Variants in CRYBG1 observed in about 807,000 individuals in gnomAD.
CRYBG1 encodes beta/gamma crystallin domain-containing protein 1.
CRYBG1 carries 139 observed loss-of-function variants against 189.2 expected under a neutral mutation model. The ratio of observed to expected loss-of-function variants is 0.73; its 90% CI spans 0.64 to 0.85. The LOEUF (loss-of-function observed/expected upper bound fraction) is 0.85. Ranked by LOEUF, CRYBG1 falls within the 40% of genes least tolerant of loss-of-function variation. CRYBG1 has a pLI of 0.00. For synonymous variants in CRYBG1, 1,023 were observed against 1,017.1 expected, an observed-to-expected ratio of 1.01 and a Z score of -0.11; for missense variants, 2,611 against 2,675.8, an observed-to-expected ratio of 0.98 and a Z score of 0.53.
chr6:106,444,365 T>A (rs1235615376), intron 1 of CRYBG1, among the ~76,000 whole-genome samples: 1 of 152,210 alleles, frequency 6.6e-6, no homozygotes, highest in African/African-American at 2.4e-5. Flanking sequence ...AATCAGAGCA[T>A]GTGCAATCAC....
chr6:106,527,435 C>T lies in CRYBG1; in HGVS notation c.4543C>T (p.Pro1515Ser), dbSNP rs1350900453. The part of the protein sequence containing the change: ...ERHEEAESDK[P>S]VVIGSIRHVV... ...GCACGAAGAAGCAGAGTCTGATAAG[C>T]CAGTGGTGATTGGTTCCATCAGACA... Residue 1515 changes from proline (P) to serine (S), a missense_variant, in exon 7 of 22, where the codon CCA becomes TCA. This residue lies in a region of CRYBG1 where 1,622 missense variants were observed against 1,735.0 expected (regional missense o/e 0.93). Transcript: ENST00000633556. 2 of 1,612,574 alleles carry T rather than the reference C, an allele frequency of 1.2e-6. No individual in the cohort carries two copies. Among genetic ancestry groups the T allele is most frequent in the South Asian group, 1.1e-5 (1 of 90,966 alleles).
chr6:106,477,013 A>G (rs927011), intron 2 of CRYBG1, among the ~76,000 whole-genome samples: 11,271 of 152,208 alleles, frequency 0.074, 660 homozygotes, highest in African/African-American at 0.15. Context: ...ACCACCTACC[A>G]TAAGTATTTG....
In CRYBG1 at chr6:106,361,043, C is replaced by A; in HGVS notation, c.135C>A (p.Phe45Leu). The change falls in exon 1 of 22, where the codon TTC (phenylalanine) becomes TTA (leucine). Residue 45 changes from phenylalanine to leucine, a missense_variant. Transcript: ENST00000633556. ...CGGCGCCGCCTGACTGTGGGGTGTT[C>A]GTTCCGCACCCGCTCCCGGCGCCTG... ...QQPAPPDCGV[F>L]VPHPLPAPAG... The A allele has an allele frequency of 6.5e-7, 1 of 1,535,000 alleles. No homozygotes were observed. The highest frequency in any genetic ancestry group is 8.7e-7 in the Non-Finnish European group (1 of 1,146,546).
Position 106,571,981 on chromosome 6 carries a change from A to G in CRYBG1, c.*3415A>G. 1 of 1,594,036 alleles carries G rather than the reference A, an allele frequency of 6.3e-7. No individual in the cohort carries two copies. The highest frequency in any genetic ancestry group is 8.6e-7 in the Non-Finnish European group (1 of 1,162,428). On this transcript the variant is annotated 3_prime_UTR_variant, in exon 22 of 22. Coordinates refer to ENST00000633556, the MANE Select transcript of CRYBG1 (RefSeq NM_001371242.2). ...CCAAATAAGAACGTCAACAATCACT[A>G]AACTGCATTTTTATTTAAACAACAT...
intron 1 of CRYBG1, among the ~76,000 whole-genome samples, chr6:106,441,785 G>A (rs992916190): frequency 6.6e-6 from 1 of 152,114 alleles, no homozygotes; most frequent in African/African-American, 2.4e-5. Context: ...CAACTAGCAG[G>A]TGCTTGGAAA....
At chr6:106,367,145 T>C (rs1772015866) in intron 1 of CRYBG1, among the ~76,000 whole-genome samples, 1 of 152,230 alleles carries the variant, frequency 6.6e-6, no homozygotes. Context: ...ATCTCTGTCA[T>C]TGAATTACTT....
At position 106,553,559 on chromosome 6, in the gene CRYBG1, A is replaced by G. The variant is rs1774458398; in HGVS notation, c.5577A>G (p.Ser1859=). 1 of 1,609,248 alleles carries G rather than the reference A, an allele frequency of 6.2e-7. No individual in the cohort carries two copies. Among genetic ancestry groups the G allele is most frequent in the Middle Eastern group, 1.7e-4 (1 of 6,056 alleles). ...DSFSTKSCRV[S]GGSWVVYDGE... is the part of the protein sequence containing the mutation. ...TTTCTACCAAGTCTTGCAGAGTTTC[A>G]GGAGGCAGGTAAGTGAAACAAAGGC... The change falls in exon 16 of 22, where the codon TCA becomes TCG. Residue 1859 remains serine, a synonymous_variant. Coordinates refer to ENST00000633556, the MANE Select transcript of CRYBG1 (RefSeq NM_001371242.2).
rs567862694 is a variant in CRYBG1 at position 106,510,369 on chromosome 6, C to T, written c.313-1061C>T. 3.9e-5 allele frequency among the ~76,000 whole-genome samples: 6 copies of T among 152,370 alleles called. No individual in the cohort carries two copies. The East Asian group carries it at 1.2e-3, about 29-fold the overall frequency. On this transcript the variant is annotated intron_variant, in intron 2 of 21. Coordinates refer to ENST00000633556, the MANE Select transcript of CRYBG1 (RefSeq NM_001371242.2). ...ACTCTGGCAAACCCCGGAGCGCCAC[C>T]GCGCCCATTGGCGGGTTTGCTTTTA...
intron 1 of CRYBG1, among the ~76,000 whole-genome samples, chr6:106,382,514 T>C (rs529787914): frequency 3.3e-4 from 50 of 152,200 alleles, no homozygotes; most frequent in Non-Finnish European, 6.5e-4. Flanking sequence ...TCCCTATTGC[T>C]TTCTAGGTAA....
intron 1 of CRYBG1, among the ~76,000 whole-genome samples, chr6:106,435,332 T>C (rs1211524895): frequency 1.3e-5 from 2 of 152,066 alleles, no homozygotes; most frequent in African/African-American, 4.8e-5. Flanking sequence ...ACCTGACTAA[T>C]GTTTTAAATT....
chr6:106,435,942 T>C (rs1043186003), intron 1 of CRYBG1, among the ~76,000 whole-genome samples: 4 of 152,102 alleles, frequency 2.6e-5, no homozygotes, highest in Admixed American at 6.5e-5. Flanking sequence ...AAGATCTAGA[T>C]TGGGAATTAT....
At chr6:106,464,434 A>G (rs952359110) in intron 2 of CRYBG1, among the ~76,000 whole-genome samples, 2 of 151,228 alleles carry the variant, frequency 1.3e-5, no homozygotes, top group Non-Finnish European at 2.9e-5. Context: ...CAGAGGTTGC[A>G]GTGAGCCAAG....
chr6:106,511,550 A>C lies in CRYBG1; in HGVS notation c.433A>C (p.Asn145His), dbSNP rs1468112791. ...RNGLESPTRS[N>H]AKPLSPKDVV... is the part of the protein sequence containing the mutation. The stretch of plus-strand genomic sequence containing the variant: ...CGGGTTAGAGAGTCCCACCAGATCA[A>C]ATGCCAAACCACTCTCTCCCAAAGA... The change falls in exon 3 of 22, where the codon AAT becomes CAT. Residue 145 changes from asparagine (N) to histidine (H), a missense_variant. Physicochemically the swap from Asn to His is moderately conservative, Grantham distance 68 (BLOSUM62 1). Around this residue, in one of 3 missense-constraint regions of CRYBG1, gnomAD observed 985 missense variants for 924.4 expected, o/e 1.07. Coordinates refer to ENST00000633556, the MANE Select transcript of CRYBG1 (RefSeq NM_001371242.2). 5 of 1,535,686 alleles carry C rather than the reference A, an allele frequency of 3.3e-6. No homozygotes were observed. Among genetic ancestry groups the C allele is most frequent in the Non-Finnish European group, 4.4e-6 (5 of 1,146,680 alleles).
rs2114609899 is a variant in CRYBG1 at position 106,570,196 on chromosome 6, G to A, written c.*1630G>A. The A allele has an allele frequency of 6.6e-6, 1 of 152,274 alleles. No homozygotes were observed. The highest frequency in any genetic ancestry group is 1.5e-5 in the Non-Finnish European group (1 of 68,040). The allele number at this position is 152,274 out of a possible 1,614,324, so 9.4% of individuals were successfully genotyped here. A position where few individuals can be genotyped will look rare whatever the true frequency, so the allele number is the denominator to read the frequency against. On this transcript the variant is annotated 3_prime_UTR_variant, in exon 22 of 22. Coordinates refer to ENST00000633556, the MANE Select transcript of CRYBG1 (RefSeq NM_001371242.2). Reference sequence around the variant, plus strand: ...GCTTGTTTCTTTTCCATCTATTCAAGTGTGTTTCTAATTCTAAAATGCTGA... The same window carrying A: ...GCTTGTTTCTTTTCCATCTATTCAAATGTGTTTCTAATTCTAAAATGCTGA...
chr6:106,480,498 T>TG (rs111522821), intron 2 of CRYBG1, among the ~76,000 whole-genome samples: 18,033 of 130,742 alleles, frequency 0.14, 1,129 homozygotes, highest in African/African-American at 0.15. Context: ...TTTTCTCTAC[T>TG]GAAAAAAAAA....
chr6:106,545,399 G>A (rs546695690), intron 13 of CRYBG1, among the ~76,000 whole-genome samples: 1 of 152,294 alleles, frequency 6.6e-6, no homozygotes, highest in East Asian at 1.9e-4. Flanking sequence ...TTTTATTAGT[G>A]GTGAAGCAAG....
intron 2 of CRYBG1, among the ~76,000 whole-genome samples, chr6:106,452,814 T>A (rs1771810705): frequency 6.6e-6 from 1 of 152,214 alleles, no homozygotes; most frequent in Non-Finnish European, 1.5e-5. Context: ...CTCATGCACT[T>A]ACTTGTCTGC....
At chr6:106,539,337 C>T (rs1282342096) in intron 8 of CRYBG1, 66 bp from the exon 9 acceptor site, 5 of 1,582,152 alleles carry the variant, frequency 3.2e-6, no homozygotes, top group South Asian at 1.1e-5. Context: ...GGGTACCAGA[C>T]AGAAGGAAAA....
At chr6:106,474,096 G>A (rs1471108345) in intron 2 of CRYBG1, among the ~76,000 whole-genome samples, 1 of 152,174 alleles carries the variant, frequency 6.6e-6, no homozygotes, top group Non-Finnish European at 1.5e-5. Context: ...ATTACACAAT[G>A]TATCTGTAGT....
Sources: allele counts gnomAD v4.1 joint callset (sites outside exome capture counted in the v4.1 genomes callset), GRCh38; gene constraint gnomAD v4.1.1; regional missense constraint gnomAD v4.1.1; transcripts MANE v1.5; gene names NCBI Gene and HGNC (gene_info 2026-07-23, HGNC 2026-07-21).